Variants in NOX5 observed in about 807,000 individuals in gnomAD.
The protein encoded by NOX5 is NADPH oxidase, EF-hand calcium binding domain 5.
NOX5 carries 76 observed loss-of-function variants against 85.7 expected under a neutral mutation model. The observed-to-expected ratio is 0.89, with a 90% CI of 0.74 to 1.07. NOX5 has a LOEUF of 1.07. NOX5 is among the 50% of genes least tolerant of loss of function. The probability of loss-of-function intolerance (pLI) is 0.00; values close to 1 mark genes in which losing one functional copy is unlikely to be tolerated. For missense variants in NOX5, 973 were observed against 999.5 expected, an observed-to-expected ratio of 0.97 and a Z score of 0.36; for synonymous variants, 405 against 401.4, an observed-to-expected ratio of 1.01 and a Z score of -0.11.
intron 13 of NOX5, 112 bp downstream of exon 13, chr15:69,048,023 G>T: frequency 1.1e-6 from 1 of 873,800 alleles, no homozygotes; most frequent in Non-Finnish European, 1.8e-6. Flanking sequence ...ATCCCTAATG[G>T]GATCTTTCTT....
At position 69,031,598 on chromosome 15, in the gene NOX5, A is replaced by C. The variant is rs776154979; in HGVS notation, c.406A>C (p.Thr136Pro). 3.1e-6 allele frequency: 5 copies of C among 1,613,246 alleles called. No homozygotes were observed. In the Admixed American group the frequency reaches 8.3e-5, roughly 27 times the overall value. Residue 136 changes from threonine (T) to proline (P), a missense_variant, in exon 4 of 16, where the codon ACA becomes CCA. Transcript: ENST00000388866. ...GCACTGGGCTTCATCCCCACTCGGG[A>C]CAGGCAGTGGCTCCATTGACCCGGA... is the stretch of plus-strand genomic sequence containing the variant. ...GPHWASSPLGTGSGSIDPDEL... is the reference protein window; with the variant it reads ...GPHWASSPLGPGSGSIDPDEL...
At chr15:69,047,684 C>G (rs981307853) in intron 12 of NOX5, 146 bp from the exon 13 acceptor site, 3 of 1,333,180 alleles carry the variant, frequency 2.3e-6, no homozygotes, top group Non-Finnish European at 2.1e-6. Flanking sequence ...GCTCTGCCCC[C>G]CTCTCCTTTT....
In NOX5 at chr15:69,056,707, C is replaced by G. The variant is rs990903323; in HGVS notation, c.*11C>G. On this transcript the variant is annotated 3_prime_UTR_variant, in exon 16 of 16. Coordinates refer to ENST00000388866, the MANE Select transcript of NOX5 (RefSeq NM_024505.4). ...CAAGAGAATTTCTAGCCTCACCTCT[C>G]CAAGCTCTGCCCCAAGTCCACACCA... 6.2e-7 allele frequency: 1 copy of G among 1,612,902 alleles called. No individual in the cohort carries two copies. The highest frequency in any genetic ancestry group is 8.5e-7 in the Non-Finnish European group (1 of 1,179,784).
At chr15:69,045,111 G>A (rs547842203) in intron 10 of NOX5, among the ~76,000 whole-genome samples, 37 of 152,304 alleles carry the variant, frequency 2.4e-4, no homozygotes, top group African/African-American at 8.2e-4. Flanking sequence ...ATCTTCCCAG[G>A]GATCGTGGGT....
intron 14 of NOX5, among the ~76,000 whole-genome samples, chr15:69,051,417 G>A (rs2050748160): frequency 6.6e-6 from 1 of 151,558 alleles, no homozygotes; most frequent in Admixed American, 6.6e-5. Flanking sequence ...GAGACAGAGT[G>A]TGTCTCCATC....
chr15:69,022,860 G>T, intron 1 of NOX5: 1 of 383,122 alleles, frequency 2.6e-6, no homozygotes, highest in East Asian at 8.6e-5. Context: ...GCCCACAACT[G>T]GACTGGACTC....
intron 1 of NOX5, among the ~76,000 whole-genome samples, chr15:69,016,372 G>C (rs2050232495): frequency 6.6e-6 from 1 of 152,196 alleles, no homozygotes; most frequent in Admixed American, 6.5e-5. Context: ...GGGCTGCCTG[G>C]AGCACCCTCC....
chr15:69,040,020 G>C (rs919932220), intron 9 of NOX5, among the ~76,000 whole-genome samples: 1 of 152,170 alleles, frequency 6.6e-6, no homozygotes, highest in African/African-American at 2.4e-5. Context: ...CTGGGTGCTG[G>C]GGGTTCTCTG....
At chr15:69,047,718 C>A in intron 12 of NOX5, 112 bp from the exon 13 acceptor site, 1 of 1,333,114 alleles carries the variant, frequency 7.5e-7, no homozygotes, top group Non-Finnish European at 1.1e-6. Context: ...TCCCCTTCCT[C>A]ATAGAGTGGG....
At chr15:69,023,304 T>C in intron 1 of NOX5, 1 of 252,694 alleles carries the variant, frequency 4.0e-6, no homozygotes, top group Non-Finnish European at 7.8e-6. Context: ...GAAGAGGATC[T>C]CAGCTTTCAA....
intron 9 of NOX5, among the ~76,000 whole-genome samples, chr15:69,042,204 TCATTCATTCAA>T (rs2050603759): frequency 6.6e-6 from 1 of 152,300 alleles, no homozygotes; most frequent in East Asian, 1.9e-4. Flanking sequence ...TTTCCATCAG[TCATTCATTCAA>T]CAGATGACCT....
At chr15:69,031,947 T>G in intron 4 of NOX5, 135 bp downstream of exon 4, 1 of 843,122 alleles carries the variant, frequency 1.2e-6, no homozygotes, top group Non-Finnish European at 1.8e-6. Flanking sequence ...TAGCCCACTC[T>G]TGAGTGTACT....
intron 15 of NOX5, 136 bp downstream of exon 15, chr15:69,055,636 T>A: frequency 1.1e-6 from 1 of 907,146 alleles, no homozygotes; most frequent in Non-Finnish European, 1.6e-6. Flanking sequence ...GACCTCGTGG[T>A]GTGAAAGGTA....
Position 69,059,948 on chromosome 15 carries a change from GCA to G in NOX5, c.*3255_*3256del, listed in dbSNP as rs1387278631. On this transcript the variant is annotated 3_prime_UTR_variant, in exon 16 of 16. Transcript: ENST00000388866. ...GCCAGACATGGGGACCCAAAGCCTAGCACAGAGTGTAGACCAGATGTCGGTTC... is the reference window on the plus strand; with the variant it reads ...GCCAGACATGGGGACCCAAAGCCTAGCAGAGTGTAGACCAGATGTCGGTTC... The G allele has an allele frequency of 6.6e-6, 1 of 152,266 alleles. No individual in the cohort carries two copies. Among genetic ancestry groups the G allele is most frequent in the Non-Finnish European group, 1.5e-5 (1 of 68,082 alleles). 9.4% of individuals were successfully genotyped at this position (152,266 alleles called of 1,614,324 possible). A position where few individuals can be genotyped will look rare whatever the true frequency, so the allele number is the denominator to read the frequency against.
In NOX5 at chr15:69,042,771, G is replaced by C; in HGVS notation, c.1613G>C (p.Ser538Thr). ...LGRGSKRLSR[S>T]VTMRKSQRSS... is the part of the protein sequence containing the mutation. ...CGTGGTTCTAAGAGGCTGTCGAGGA[G>C]TGTGACAATGAGAAAGAGTCAAAGG... Residue 538 changes from serine to threonine, a missense_variant, in exon 10 of 16, where the codon AGT becomes ACT. Coordinates refer to ENST00000388866, the MANE Select transcript of NOX5 (RefSeq NM_024505.4). The C allele has an allele frequency of 6.2e-7, 1 of 1,614,196 alleles. No homozygotes were observed. Among genetic ancestry groups the C allele is most frequent in the Non-Finnish European group, 8.5e-7 (1 of 1,180,032 alleles).
intron 14 of NOX5, among the ~76,000 whole-genome samples, chr15:69,053,583 TA>T (rs558778856): frequency 3.6e-4 from 55 of 152,362 alleles, no homozygotes; most frequent in Admixed American, 3.2e-3. Flanking sequence ...TCATTCTCCA[TA>T]ATCATAAAAA....
intron 12 of NOX5, 81 bp downstream of exon 12, chr15:69,047,618 TCTC>T (rs2050692206): frequency 4.0e-6 from 6 of 1,493,250 alleles, no homozygotes; most frequent in South Asian, 3.9e-5. Context: ...CTTTATTCCT[TCTC>T]CTTCCTCTCC....
intron 5 of NOX5, among the ~76,000 whole-genome samples, chr15:69,033,945 C>T (rs1396218764): frequency 5.3e-5 from 8 of 152,018 alleles, no homozygotes; most frequent in South Asian, 2.1e-4. Flanking sequence ...CCACCCTCCT[C>T]GGCCTCCCAA....
In NOX5 at chr15:69,061,901, C is replaced by T. The variant is rs1219369384; in HGVS notation, c.*5205C>T. Reference sequence around the variant, plus strand: ...AAGGAAAAAAAAATTCTGAGATTTACCCAAATTTGGCTGGACATGAGTTTA... The same window carrying T: ...AAGGAAAAAAAAATTCTGAGATTTATCCAAATTTGGCTGGACATGAGTTTA... On this transcript the variant is annotated 3_prime_UTR_variant, in exon 16 of 16. Coordinates refer to ENST00000388866, the MANE Select transcript of NOX5 (RefSeq NM_024505.4). 1 of 152,086 alleles carries T rather than the reference C, an allele frequency of 6.6e-6. No individual in the cohort carries two copies. Among genetic ancestry groups the T allele is most frequent in the Non-Finnish European group, 1.5e-5 (1 of 68,012 alleles). The allele number at this position is 152,086 out of a possible 1,614,324, so 9.4% of individuals were successfully genotyped here.
Sources: gnomAD v4.1 joint callset for allele counts (sites outside exome capture counted in the v4.1 genomes callset) on GRCh38, gnomAD v4.1.1 for gene constraint, MANE v1.5 for transcripts, NCBI Gene and HGNC (gene_info 2026-07-23, HGNC 2026-07-21) for gene names.